The following RBSN variants were observed in gnomAD, a reference collection of about 807,000 sequenced individuals.
RBSN encodes the protein rabenosyn-5.
RBSN carries 34 observed loss-of-function variants against 60.5 expected under a neutral mutation model. The ratio of observed to expected loss-of-function variants is 0.56; its 90% CI spans 0.43 to 0.75. The LOEUF is 0.75. Among genes scored for constraint, RBSN ranks in the 30% least tolerant of loss-of-function variants. RBSN has a pLI of 0.00. For missense variants in RBSN, 845 were observed against 986.8 expected (o/e 0.86, Z 1.92); for synonymous variants, 322 against 366.9 (o/e 0.88, Z 1.40).
chr3:15,074,972 C>G lies in RBSN; in HGVS notation c.1207-42G>C. ...GCAGAGAGAAGAAACAGTCACTATG[C>G]TGGCAGCAGCCCACACTGTCACCCA... On this transcript the variant is annotated intron_variant, in intron 13 of 13. Coordinates refer to ENST00000253699, the MANE Select transcript of RBSN (RefSeq NM_022340.4). The surrounding 1 kb of genome is among the most constrained non-coding windows in gnomAD (Gnocchi z 6.4). The G allele has an allele frequency of 1.3e-6, 2 of 1,557,834 alleles. No individual in the cohort carries two copies. Among genetic ancestry groups the G allele is most frequent in the Non-Finnish European group, 1.7e-6 (2 of 1,156,526 alleles).
intron 10 of RBSN, among the ~76,000 whole-genome samples, chr3:15,079,633 A>G (rs900674504): frequency 2.0e-5 from 3 of 152,256 alleles, no homozygotes; most frequent in African/African-American, 7.2e-5. Context: ...ATGCAACAAC[A>G]TGGATGAATC....
At chr3:15,086,537 A>G (rs896338798) in intron 5 of RBSN, among the ~76,000 whole-genome samples, 1 of 152,212 alleles carries the variant, frequency 6.6e-6, no homozygotes, top group African/African-American at 2.4e-5. Flanking sequence ...GTACTCAACT[A>G]TCAAATGGAA....
chr3:15,077,268 G>A lies in RBSN; in HGVS notation c.999-104C>T. The A allele has an allele frequency of 2.1e-6, 2 of 944,670 alleles. No individual in the cohort carries two copies. The highest frequency in any genetic ancestry group is 3.4e-6 in the Non-Finnish European group (2 of 591,514). 58.5% of individuals were successfully genotyped at this position (944,670 alleles called of 1,614,324 possible). A position where few individuals can be genotyped will look rare whatever the true frequency, so the allele number is the denominator to read the frequency against. The stretch of plus-strand genomic sequence containing the variant: ...TGCCAGGCTTTCATGCCAGGAAGGT[G>A]TGTAAAGATGGACAAGTGACTCCAT... On this transcript the variant is annotated intron_variant, in intron 11 of 13. Transcript: ENST00000253699. This position sits in a 1 kb window ranked among gnomAD's most constrained non-coding sequence, Gnocchi z 4.4.
At position 15,074,496 on chromosome 3, in the gene RBSN, C is replaced by T. The variant is rs758531966; in HGVS notation, c.1641G>A (p.Arg547=). 7 of 1,614,178 alleles carry T rather than the reference C, an allele frequency of 4.3e-6. No homozygotes were observed. The highest frequency in any genetic ancestry group is 4.2e-6 in the Non-Finnish European group (5 of 1,180,024). ...GGCCGATTTCTCTGAAGTCCAGGGA[C>T]CGAGTCCGTGTGTGCAGGGATGCCA... ...FRVASLHTRT[R]SLDFREIGPF... The change falls in exon 14 of 14, where the codon CGG becomes CGA. Residue 547 remains arginine (R), a synonymous_variant. Coordinates refer to ENST00000253699, the MANE Select transcript of RBSN (RefSeq NM_022340.4). This position sits in a 1 kb window ranked among gnomAD's most constrained non-coding sequence, Gnocchi z 6.4.
At chr3:15,076,483 G>GA (rs1034757414) in intron 12 of RBSN, among the ~76,000 whole-genome samples, 2 of 151,668 alleles carry the variant, frequency 1.3e-5, no homozygotes, top group South Asian at 4.2e-4. Flanking sequence ...TAAAAAAAAA[G>GA]AAAAAAACAG....
rs1322596978 is a variant in RBSN at position 15,084,559 on chromosome 3, G to A, written c.598+176C>T. 6.6e-6 allele frequency among the ~76,000 whole-genome samples: 1 copy of A among 152,150 alleles called. No individual in the cohort carries two copies. Among genetic ancestry groups the A allele is most frequent in the Non-Finnish European group, 1.5e-5 (1 of 68,038 alleles). On this transcript the variant is annotated intron_variant, in intron 8 of 13. Coordinates refer to ENST00000253699, the MANE Select transcript of RBSN (RefSeq NM_022340.4). This position sits in a 1 kb window ranked among gnomAD's most constrained non-coding sequence, Gnocchi z 4.2. ...CCTGTTATAGACCACTGTATCCCTGGCCCCTAGCATAGTACCTAGTCTGTA... is the reference window on the plus strand; with the variant it reads ...CCTGTTATAGACCACTGTATCCCTGACCCCTAGCATAGTACCTAGTCTGTA...
In RBSN at chr3:15,074,856, C is replaced by T; in HGVS notation, c.1281G>A (p.Val427=). 1 of 1,614,158 alleles carries T rather than the reference C, an allele frequency of 6.2e-7. No homozygotes were observed. The highest frequency in any genetic ancestry group is 2.2e-5 in the East Asian group (1 of 44,886). The part of the protein sequence containing the change: ...GLASRAANGE[V]ASLRRGPAPL... ...GGGCAGGGCCCCTGCGGAGAGATGCCACCTCCCCGTTGGCCGCTCGAGAAG... is the reference window on the plus strand; with the variant it reads ...GGGCAGGGCCCCTGCGGAGAGATGCTACCTCCCCGTTGGCCGCTCGAGAAG... Residue 427 remains valine, a synonymous_variant, in exon 14 of 14, where the codon GTG becomes GTA. Transcript: ENST00000253699. The surrounding 1 kb of genome is among the most constrained non-coding windows in gnomAD (Gnocchi z 6.4).
At position 15,082,434 on chromosome 3, in the gene RBSN, G is replaced by A. The variant is rs1351422832; in HGVS notation, c.773C>T (p.Thr258Met). 3.7e-6 allele frequency: 6 copies of A among 1,614,148 alleles called. No homozygotes were observed. Among genetic ancestry groups the A allele is most frequent in the Non-Finnish European group, 5.1e-6 (6 of 1,180,002 alleles). The change falls in exon 9 of 14, where the codon ACG becomes ATG. Residue 258 changes from threonine (T) to methionine (M), a missense_variant. Coordinates refer to ENST00000253699, the MANE Select transcript of RBSN (RefSeq NM_022340.4). The surrounding 1 kb of genome is among the most constrained non-coding windows in gnomAD (Gnocchi z 4.2). ...AATCTGCTGCTCTCTCTTGAGCAGC[G>A]TGTCCTTGCAGTGTGTACAGCAGCG... ...RIRCCTHCKDTLLKREQQIDE... is the reference protein window; with the variant it reads ...RIRCCTHCKDMLLKREQQIDE...
intron 4 of RBSN, among the ~76,000 whole-genome samples, chr3:15,092,413 G>GT (rs577707119): frequency 6.2e-4 from 92 of 149,544 alleles, no homozygotes; most frequent in Admixed American, 1.3e-3. Context: ...TTGTTTGTTT[G>GT]TTTTTTTTTG....
At position 15,090,468 on chromosome 3, in the gene RBSN, C is replaced by T. The variant is rs764331244; in HGVS notation, c.220G>A (p.Gly74Arg). The change falls in exon 5 of 14, where the codon GGG becomes AGG. Residue 74 changes from glycine to arginine, a missense_variant. Coordinates refer to ENST00000253699, the MANE Select transcript of RBSN (RefSeq NM_022340.4). ...CTGAAAGACTCATATCCTTGGGTCCCTGACTCTGCTCGATCATCCCCTTCT... is the reference window on the plus strand; with the variant it reads ...CTGAAAGACTCATATCCTTGGGTCCTTGACTCTGCTCGATCATCCCCTTCT... ...KREGDDRAES[G>R]TQGYESFSYG... is the part of the protein sequence containing the mutation. 7.4e-6 allele frequency: 12 copies of T among 1,614,112 alleles called. No homozygotes were observed. In the Admixed American group the frequency reaches 2.0e-4, roughly 27 times the overall value.
At chr3:15,087,265 A>G (rs754655029) in intron 5 of RBSN, among the ~76,000 whole-genome samples, 73 of 152,198 alleles carry the variant, frequency 4.8e-4, no homozygotes, top group Non-Finnish European at 8.2e-4. Flanking sequence ...CTGTAATCCC[A>G]GCACTTTGGG....
chr3:15,082,250 A>G lies in RBSN; in HGVS notation c.840+117T>C. On this transcript the variant is annotated intron_variant, in intron 9 of 13. Coordinates refer to ENST00000253699, the MANE Select transcript of RBSN (RefSeq NM_022340.4). The surrounding 1 kb of genome is among the most constrained non-coding windows in gnomAD (Gnocchi z 4.2). ...ATAACATGGGCCTTTAACAGGAACTACAAATAATTCAAACGAACAACTTCC... is the reference window on the plus strand; with the variant it reads ...ATAACATGGGCCTTTAACAGGAACTGCAAATAATTCAAACGAACAACTTCC... 7.2e-7 allele frequency: 1 copy of G among 1,383,620 alleles called. No homozygotes were observed. The highest frequency in any genetic ancestry group is 9.9e-7 in the Non-Finnish European group (1 of 1,006,482). The allele number at this position is 1,383,620 out of a possible 1,614,324, so 85.7% of individuals were successfully genotyped here.
intron 10 of RBSN, among the ~76,000 whole-genome samples, chr3:15,079,909 G>T (rs2043160751): frequency 6.6e-6 from 1 of 152,156 alleles, no homozygotes; most frequent in Non-Finnish European, 1.5e-5. Flanking sequence ...CTTTAAAAGG[G>T]TAAAGGTTAG....
intron 10 of RBSN, among the ~76,000 whole-genome samples, chr3:15,079,864 T>G (rs1388066557): frequency 6.6e-6 from 1 of 151,672 alleles, no homozygotes; most frequent in Admixed American, 6.6e-5. Flanking sequence ...TGTTCGCTAA[T>G]TTTGTGAATA....
chr3:15,090,301 G>C (rs929788241), intron 5 of RBSN, 98 bp downstream of exon 5: 9 of 1,332,536 alleles, frequency 6.8e-6, no homozygotes, highest in Admixed American at 6.4e-5. Flanking sequence ...AGACCATTAT[G>C]GTTTACTGAT....
At chr3:15,089,139 TTATTA>T (rs1559350223) in intron 5 of RBSN, among the ~76,000 whole-genome samples, 1 of 152,220 alleles carries the variant, frequency 6.6e-6, no homozygotes. Flanking sequence ...AGAAAATATT[TTATTA>T]TATTAATGAC....
At position 15,077,396 on chromosome 3, in the gene RBSN, A is replaced by C. The variant is rs2043082458; in HGVS notation, c.999-232T>G. Among the ~76,000 whole-genome samples, 1 of 152,222 alleles carries C rather than the reference A, an allele frequency of 6.6e-6. No individual in the cohort carries two copies. Among genetic ancestry groups the C allele is most frequent in the South Asian group, 2.1e-4 (1 of 4,838 alleles). On this transcript the variant is annotated intron_variant, in intron 11 of 13. Transcript: ENST00000253699. This position sits in a 1 kb window ranked among gnomAD's most constrained non-coding sequence, Gnocchi z 4.4. ...TTATGGAGTGACTGACTACACATGC[A>C]GAGCCAGCTTCACAGGTGAGCAACC... is the stretch of plus-strand genomic sequence containing the variant.
chr3:15,075,105 G>A (rs912779623), intron 13 of RBSN, 175 bp from the exon 14 acceptor site: 21 of 746,608 alleles, frequency 2.8e-5, no homozygotes, highest in Admixed American at 1.8e-4. Context: ...ATATGTGGGC[G>A]GAAGGGAGAC....
At chr3:15,089,469 A>AAC (rs2043442923) in intron 5 of RBSN, among the ~76,000 whole-genome samples, 1 of 109,858 alleles carries the variant, frequency 9.1e-6, no homozygotes, top group Non-Finnish European at 1.7e-5. Context: ...AAAAAAAAAA[A>AAC]AAAAAAAACA....
Sources: allele counts gnomAD v4.1 joint callset (sites outside exome capture counted in the v4.1 genomes callset), GRCh38; gene constraint gnomAD v4.1.1; non-coding constraint Gnocchi (gnomAD v3.1); transcripts MANE v1.5; gene names NCBI Gene and HGNC (gene_info 2026-07-23, HGNC 2026-07-21).